The following CLPTM1 variants were observed in gnomAD, a reference collection of about 807,000 sequenced individuals.
CLPTM1 encodes putative lipid scramblase CLPTM1.
A neutral mutation model predicts 77.3 loss-of-function variants in CLPTM1; 21 were observed. The ratio of observed to expected loss-of-function variants is 0.27; its 90% CI spans 0.19 to 0.39. The LOEUF (loss-of-function observed/expected upper bound fraction) is 0.39, where lower values mean the gene tolerates loss of function less well. Among genes scored for constraint, CLPTM1 ranks in the 10% least tolerant of loss-of-function variants. The pLI, the probability that CLPTM1 is intolerant of heterozygous loss-of-function variation, is 1.00. For synonymous variants in CLPTM1, 373 were observed against 381.0 expected (o/e 0.98, Z 0.24); for missense variants, 642 against 921.2 (o/e 0.70, Z 3.92).
chr19:44,982,444 C>T (rs2122309833), intron 5 of CLPTM1, among the ~76,000 whole-genome samples: 1 of 152,266 alleles, frequency 6.6e-6, no homozygotes, highest in Non-Finnish European at 1.5e-5. Context: ...ATGTGGCCAG[C>T]AACCCTGATA....
Position 44,992,984 on chromosome 19 carries a change from C to G in CLPTM1, c.*87C>G, listed in dbSNP as rs751002831. The G allele has an allele frequency of 1.3e-6, 2 of 1,484,348 alleles. No individual in the cohort carries two copies. Among genetic ancestry groups the G allele is most frequent in the East Asian group, 2.4e-5 (1 of 41,592 alleles). The allele number at this position is 1,484,348 out of a possible 1,614,324, so 91.9% of individuals were successfully genotyped here. ...TCGCCTCCCCTCCCTGTCGCCCTTT[C>G]CCTGGACAGATCAGGCCGGGGCGGT... On this transcript the variant is annotated 3_prime_UTR_variant, in exon 14 of 14. Coordinates refer to ENST00000337392, the MANE Select transcript of CLPTM1 (RefSeq NM_001294.4). The surrounding 1 kb of genome is among the most constrained non-coding windows in gnomAD (Gnocchi z 7.7).
chr19:44,974,585 C>T lies in CLPTM1; in HGVS notation c.456C>T (p.Leu152=), dbSNP rs377477048. ...GCTGCTACGAGCACTTTGCTGAGCTCGATATCCCACAGGTGGGGGCAGCTC... is the reference window on the plus strand; with the variant it reads ...GCTGCTACGAGCACTTTGCTGAGCTTGATATCCCACAGGTGGGGGCAGCTC... ...SDGCYEHFAE[L]DIPQSVQQNG... Residue 152 remains leucine (L), a synonymous_variant, in exon 4 of 14, where the codon CTC becomes CTT. Coordinates refer to ENST00000337392, the MANE Select transcript of CLPTM1 (RefSeq NM_001294.4). The T allele has an allele frequency of 9.3e-6, 15 of 1,613,818 alleles. No homozygotes were observed. The East Asian group carries it at 2.2e-4, about 24-fold the overall frequency.
chr19:44,957,896 A>G (rs1449711347), intron 1 of CLPTM1, among the ~76,000 whole-genome samples: 1 of 152,212 alleles, frequency 6.6e-6, no homozygotes, highest in African/African-American at 2.4e-5. Context: ...TGTGAATAAA[A>G]TAGGTGCTGC....
intron 3 of CLPTM1, among the ~76,000 whole-genome samples, chr19:44,973,761 G>GGTTTTT (rs371741227): frequency 1.6e-5 from 1 of 62,458 alleles, no homozygotes; most frequent in Non-Finnish European, 3.9e-5. Context: ...GTCACAGTGG[G>GGTTTTT]TTTTTTTTTT....
In CLPTM1 at chr19:44,993,128, T is replaced by G. The variant is rs1445811201; in HGVS notation, c.*231T>G. 2.1e-6 allele frequency: 1 copy of G among 485,960 alleles called. No homozygotes were observed. Among genetic ancestry groups the G allele is most frequent in the Non-Finnish European group, 4.0e-6 (1 of 251,186 alleles). 30.1% of individuals were successfully genotyped at this position (485,960 alleles called of 1,614,324 possible). ...CTCTGTGTTTCCAGCCATCTCGCCC[T>G]GCCAGCCCAGCACCACTGGGAATCA... On this transcript the variant is annotated 3_prime_UTR_variant, in exon 14 of 14. Transcript: ENST00000337392.
chr19:44,983,087 G>A (rs192239642), intron 5 of CLPTM1, among the ~76,000 whole-genome samples: 13 of 151,442 alleles, frequency 8.6e-5, no homozygotes, highest in Middle Eastern at 3.4e-3. Flanking sequence ...TGAGGATGAC[G>A]TTTCTGCTAA....
chr19:44,990,609 C>T lies in CLPTM1; in HGVS notation c.1323+24C>T. The T allele has an allele frequency of 1.2e-6, 2 of 1,609,416 alleles. No homozygotes were observed. Among genetic ancestry groups the T allele is most frequent in the Non-Finnish European group, 1.7e-6 (2 of 1,177,046 alleles). On this transcript the variant is annotated intron_variant, in intron 10 of 13. Transcript: ENST00000337392. This position sits in a 1 kb window ranked among gnomAD's most constrained non-coding sequence, Gnocchi z 4.8. ...GGGTAAGGCTGGGGCGCCATGCTGT[C>T]TCGGGAGCTGCAGGGGTTGGGAGGG...
At chr19:44,968,067 A>G (rs1188258597) in intron 2 of CLPTM1, among the ~76,000 whole-genome samples, 2 of 152,262 alleles carry the variant, frequency 1.3e-5, no homozygotes, top group East Asian at 1.9e-4. Context: ...TTCATTAACA[A>G]TATATCTTTG....
chr19:44,983,626 A>G (rs1970932481), intron 5 of CLPTM1, among the ~76,000 whole-genome samples: 1 of 147,114 alleles, frequency 6.8e-6, no homozygotes, highest in Non-Finnish European at 1.5e-5. Flanking sequence ...TCAAAAAAAA[A>G]AAAAAAAAAA....
intron 5 of CLPTM1, among the ~76,000 whole-genome samples, chr19:44,978,361 C>T (rs1189871611): frequency 6.6e-6 from 1 of 151,110 alleles, no homozygotes; most frequent in Admixed American, 6.6e-5. Context: ...GCTGAGATCA[C>T]GCCATTGCAC....
chr19:44,992,456 T>C lies in CLPTM1; in HGVS notation c.1723+56T>C, dbSNP rs571017948. 3 of 1,605,818 alleles carry C rather than the reference T, an allele frequency of 1.9e-6. No homozygotes were observed. In the African/African-American group the frequency reaches 4.0e-5, roughly 21 times the overall value. On this transcript the variant is annotated intron_variant, in intron 13 of 13. Coordinates refer to ENST00000337392, the MANE Select transcript of CLPTM1 (RefSeq NM_001294.4). This position sits in a 1 kb window ranked among gnomAD's most constrained non-coding sequence, Gnocchi z 7.7. ...ACCGGAACAGGGCCCTGAGGCAGTC[T>C]TTAGGGCCCAGGCCTGAGGGGGTGC...
intron 3 of CLPTM1, among the ~76,000 whole-genome samples, chr19:44,973,915 C>T (rs1970764394): frequency 6.6e-6 from 1 of 151,770 alleles, no homozygotes; most frequent in Admixed American, 6.6e-5. Flanking sequence ...AGGCATGTGC[C>T]ACCACGTCCA....
chr19:44,956,989 C>T (rs1456061918), intron 1 of CLPTM1, among the ~76,000 whole-genome samples: 1 of 152,154 alleles, frequency 6.6e-6, no homozygotes, highest in African/African-American at 2.4e-5. Context: ...GGATGTTTAG[C>T]AGCATCCGTG....
In CLPTM1 at chr19:44,955,476, G is replaced by A; in HGVS notation, c.72+9G>A. ...GAGGCAGCTCCGGTCAGGTACGGAG[G>A]CCGAGAGGGGACTGAGGGGGTTCTT... On this transcript the variant is annotated intron_variant, in intron 1 of 13. Transcript: ENST00000337392. 2 of 1,311,186 alleles carry A rather than the reference G, an allele frequency of 1.5e-6. No homozygotes were observed. Among genetic ancestry groups the A allele is most frequent in the Non-Finnish European group, 1.9e-6 (2 of 1,030,050 alleles). The allele number at this position is 1,311,186 out of a possible 1,614,324, so 81.2% of individuals were successfully genotyped here. A position where few individuals can be genotyped will look rare whatever the true frequency, so the allele number is the denominator to read the frequency against.
At chr19:44,954,952 T>C (rs955427281), upstream of CLPTM1, 6 of 1,531,242 alleles carry the variant, frequency 3.9e-6, no homozygotes, top group Admixed American at 1.2e-4. Flanking sequence ...GAAAGGTTCC[T>C]CTGACGAAAG....
chr19:44,987,949 A>G (rs561420702), intron 8 of CLPTM1, 131 bp from the exon 9 acceptor site: 3 of 725,414 alleles, frequency 4.1e-6, no homozygotes, highest in African/African-American at 3.5e-5. Flanking sequence ...CCCATCTCTG[A>G]CCCAGTCTCC....
In CLPTM1 at chr19:44,993,055, G is replaced by A. The variant is rs182982819; in HGVS notation, c.*158G>A. The A allele has an allele frequency of 3.7e-4, 338 of 910,694 alleles. 1 individual carries two copies. In the East Asian group the frequency reaches 8.2e-3, roughly 22 times the overall value. The allele number at this position is 910,694 out of a possible 1,614,324, so 56.4% of individuals were successfully genotyped here. On this transcript the variant is annotated 3_prime_UTR_variant, in exon 14 of 14. Transcript: ENST00000337392. ...GGGCCCAGCGTGTGATGTAGGGGCC[G>A]GGGCAGGCCAGGGTTTGTTTGTGGA...
chr19:44,962,151 T>G (rs2122240266), intron 2 of CLPTM1, 76 bp downstream of exon 2: 5 of 866,836 alleles, frequency 5.8e-6, no homozygotes, highest in Non-Finnish European at 8.9e-6. Context: ...AGTCAGCTGA[T>G]CAGCTGAGGA....
Position 44,990,314 on chromosome 19 carries a change from G to A in CLPTM1, c.1133-81G>A. On this transcript the variant is annotated intron_variant, in intron 9 of 13. Coordinates refer to ENST00000337392, the MANE Select transcript of CLPTM1 (RefSeq NM_001294.4). This position sits in a 1 kb window ranked among gnomAD's most constrained non-coding sequence, Gnocchi z 4.8. ...CCCCACCCCAGGGTGTGAGGATGCA[G>A]GCCAAGGGGGCCTGAGGGAGCTGCA... 1.4e-6 allele frequency: 2 copies of A among 1,475,474 alleles called. No individual in the cohort carries two copies. The highest frequency in any genetic ancestry group is 1.9e-6 in the Non-Finnish European group (2 of 1,074,708). 91.4% of individuals were successfully genotyped at this position (1,475,474 alleles called of 1,614,324 possible).
Sources: gnomAD v4.1 joint callset for allele counts (sites outside exome capture counted in the v4.1 genomes callset) on GRCh38, gnomAD v4.1.1 for gene constraint, Gnocchi (gnomAD v3.1) non-coding constraint, MANE v1.5 for transcripts, NCBI Gene and HGNC (gene_info 2026-07-23, HGNC 2026-07-21) for gene names.